The following ZNF653 variants were observed in gnomAD, a reference collection of about 807,000 sequenced individuals.
ZNF653 encodes 67 kDa zinc finger protein.
In ZNF653, 37 loss-of-function variants were observed where a neutral mutation model predicts 59.9. That is an observed-to-expected ratio of 0.62 (90% CI 0.48 to 0.81). The LOEUF (loss-of-function observed/expected upper bound fraction) is 0.81, where lower values mean the gene tolerates loss of function less well. Ranked by LOEUF, ZNF653 falls within the 40% of genes least tolerant of loss-of-function variation. ZNF653 has a pLI of 0.00. For synonymous variants in ZNF653, 435 were observed against 371.8 expected (o/e 1.17, Z -1.96); for missense variants, 808 against 881.1 (o/e 0.92, Z 1.05).
chr19:11,494,903 A>G (rs996415916), intron 3 of ZNF653, among the ~76,000 whole-genome samples: 2 of 152,164 alleles, frequency 1.3e-5, no homozygotes, highest in Non-Finnish European at 2.9e-5. Flanking sequence ...GGAGTGGCAC[A>G]CAGTGAGGGG....
At chr19:11,505,361 C>CG (rs1971703204) in intron 1 of ZNF653, 127 bp downstream of exon 1, 1 of 1,028,470 alleles carries the variant, frequency 9.7e-7, no homozygotes, top group Admixed American at 4.3e-5. Context: ...CCCAGGCCGC[C>CG]GGCCCGGCTC....
intron 3 of ZNF653, among the ~76,000 whole-genome samples, chr19:11,492,869 C>A (rs958678646): frequency 1.1e-4 from 16 of 152,082 alleles, no homozygotes. Flanking sequence ...CTTCTGCCTG[C>A]CAAGTAGCTG....
Position 11,498,330 on chromosome 19 carries a change from C to G in ZNF653, c.309G>C (p.Trp103Cys), listed in dbSNP as rs1227114776. The G allele has an allele frequency of 6.2e-7, 1 of 1,614,076 alleles. No individual in the cohort carries two copies. Among genetic ancestry groups the G allele is most frequent in the African/African-American group, 1.3e-5 (1 of 75,050 alleles). The change falls in exon 2 of 9, where the codon TGG becomes TGC. Residue 103 changes from tryptophan (W) to cysteine (C), a missense_variant. Transcript: ENST00000293771. ...GCTTTGGCTTTTTGGGGACCTGCTC[C>G]CAAGGCTTCCTGCAACAGAAAGAGG... is the stretch of plus-strand genomic sequence containing the variant. ...GQRSGRHGKP[W>C]EQVPKKPKRK...
intron 1 of ZNF653, chr19:11,505,266 G>C (rs1364526526): frequency 1.1e-5 from 5 of 474,744 alleles, no homozygotes; most frequent in African/African-American, 1.0e-4. Flanking sequence ...CGGGTCGAGG[G>C]GCTGGGTGCA....
chr19:11,487,375 G>A lies in ZNF653; in HGVS notation c.1088C>T (p.Ala363Val). 2 of 1,612,880 alleles carry A rather than the reference G, an allele frequency of 1.2e-6. No homozygotes were observed. Among genetic ancestry groups the A allele is most frequent in the Non-Finnish European group, 1.7e-6 (2 of 1,179,898 alleles). ...EVPCAMMEGV[A>V]AYTQTEPEGS... is the part of the protein sequence containing the mutation. ...CTCGGGCTCTGTCTGGGTGTAGGCT[G>A]CCACACCCTCCATCATGGCACAGGG... is the stretch of plus-strand genomic sequence containing the variant. Residue 363 changes from alanine (A) to valine (V), a missense_variant, in exon 4 of 9, where the codon GCA (alanine) becomes GTA (valine). Transcript: ENST00000293771. This position sits in a 1 kb window ranked among gnomAD's most constrained non-coding sequence, Gnocchi z 5.1.
In ZNF653 at chr19:11,486,887, G is replaced by T. The variant is rs1319370427; in HGVS notation, c.1344-7C>A. The stretch of plus-strand genomic sequence containing the variant: ...CCGCTTGCTCCGCCGCCTCCTGGAG[G>T]GGAAGGGGCCATGACATCGGGGCTC... On this transcript the variant is annotated splice_polypyrimidine_tract_variant and splice_region_variant and intron_variant, in intron 5 of 8. Coordinates refer to ENST00000293771, the MANE Select transcript of ZNF653 (RefSeq NM_138783.4). The T allele has an allele frequency of 6.2e-7, 1 of 1,611,066 alleles. No individual in the cohort carries two copies. Among genetic ancestry groups the T allele is most frequent in the Non-Finnish European group, 8.5e-7 (1 of 1,178,720 alleles).
chr19:11,487,233 G>A lies in ZNF653; in HGVS notation c.1171+59C>T, dbSNP rs1971477318. 9 of 1,598,220 alleles carry A rather than the reference G, an allele frequency of 5.6e-6. No individual in the cohort carries two copies. Among genetic ancestry groups the A allele is most frequent in the South Asian group, 2.2e-5 (2 of 88,984 alleles). The stretch of plus-strand genomic sequence containing the variant: ...GTGCCCACTTCGAGGGCCATTCCTC[G>A]CCCGGCCCCTCCCAGGCCCAACCAC... On this transcript the variant is annotated intron_variant, in intron 4 of 8. Transcript: ENST00000293771. The surrounding 1 kb of genome is among the most constrained non-coding windows in gnomAD (Gnocchi z 5.1).
At position 11,505,729 on chromosome 19, in the gene ZNF653, C is replaced by A. The variant is rs966103146; in HGVS notation, c.58G>T (p.Gly20Trp). 2.1e-6 allele frequency: 3 copies of A among 1,458,404 alleles called. No individual in the cohort carries two copies. The highest frequency in any genetic ancestry group is 2.7e-6 in the Non-Finnish European group (3 of 1,115,472). The allele number at this position is 1,458,404 out of a possible 1,614,324, so 90.3% of individuals were successfully genotyped here. A position where few individuals can be genotyped will look rare whatever the true frequency, so the allele number is the denominator to read the frequency against. Residue 20 changes from glycine (G) to tryptophan (W), a missense_variant, in exon 1 of 9, where the codon GGG becomes TGG. Gly to Trp is a radical substitution (Grantham distance 184). Coordinates refer to ENST00000293771, the MANE Select transcript of ZNF653 (RefSeq NM_138783.4). Reference protein sequence around the residue: ...AEAEAEAGAGGEAAAEEGAAG... With the variant: ...AEAEAEAGAGWEAAAEEGAAG... ...GCGCCCTCCTCGGCTGCTGCCTCCC[C>A]GCCCGCGCCCGCCTCAGCCTCCGCC... is the stretch of plus-strand genomic sequence containing the variant.
Position 11,483,850 on chromosome 19 carries a change from G to T in ZNF653, c.1680C>A (p.Ile560=). ...HTGETPLQCE[I]CGYQCRQRAS... is the part of the protein sequence containing the mutation. ...CGCGCTGCCGGCACTGGTAGCCACAGATCTCGCACCTGCCGGGAGCCCGTG... is the reference window on the plus strand; with the variant it reads ...CGCGCTGCCGGCACTGGTAGCCACATATCTCGCACCTGCCGGGAGCCCGTG... The change falls in exon 9 of 9, where the codon ATC becomes ATA. Residue 560 remains isoleucine, a synonymous_variant. Transcript: ENST00000293771. 1 of 1,557,292 alleles carries T rather than the reference G, an allele frequency of 6.4e-7. No individual in the cohort carries two copies.
chr19:11,505,359 G>C, intron 1 of ZNF653, 129 bp downstream of exon 1: 1 of 1,009,542 alleles, frequency 9.9e-7, no homozygotes, highest in Non-Finnish European at 1.3e-6. Context: ...GACCCAGGCC[G>C]CCGGCCCGGC....
chr19:11,488,619 A>T (rs1378866147), intron 3 of ZNF653, among the ~76,000 whole-genome samples: 5 of 147,322 alleles, frequency 3.4e-5, no homozygotes, highest in South Asian at 2.1e-4. Context: ...TTTTTTTGAG[A>T]TGGAGTCTCG....
intron 2 of ZNF653, among the ~76,000 whole-genome samples, chr19:11,497,088 C>A (rs974575539): frequency 6.6e-6 from 1 of 152,214 alleles, no homozygotes; most frequent in Admixed American, 6.5e-5. Flanking sequence ...ACTCAGGTCT[C>A]CCCCAAATGC....
In ZNF653 at chr19:11,495,019, G is replaced by A. The variant is rs1350713843; in HGVS notation, c.559+931C>T. 6.6e-6 allele frequency among the ~76,000 whole-genome samples: 1 copy of A among 152,166 alleles called. No individual in the cohort carries two copies. The highest frequency in any genetic ancestry group is 1.5e-5 in the Non-Finnish European group (1 of 68,024). The stretch of plus-strand genomic sequence containing the variant: ...GACACTTGGTGGGACGGTCGTTGGC[G>A]GGGGCGCCCACCCGGAACACCTCTC... On this transcript the variant is annotated intron_variant, in intron 3 of 8. Coordinates refer to ENST00000293771, the MANE Select transcript of ZNF653 (RefSeq NM_138783.4). This position sits in a 1 kb window ranked among gnomAD's most constrained non-coding sequence, Gnocchi z 4.9.
At position 11,484,048 on chromosome 19, in the gene ZNF653, G is replaced by A; in HGVS notation, c.1664C>T (p.Pro555Leu). ...GGGGCGGCCTGTCACTCACTGCAGG[G>A]GGGTCTCGCCGGTGTGGGTGCGCCG... is the stretch of plus-strand genomic sequence containing the variant. The part of the protein sequence containing the change: ...VHRRTHTGET[P>L]LQCEICGYQC... The change falls in exon 8 of 9, where the codon CCC (proline) becomes CTC (leucine). Residue 555 changes from proline (P) to leucine (L), a missense_variant. Pro to Leu is a moderately conservative substitution (Grantham distance 98, BLOSUM62 -3). Coordinates refer to ENST00000293771, the MANE Select transcript of ZNF653 (RefSeq NM_138783.4). 1 of 1,556,242 alleles carries A rather than the reference G, an allele frequency of 6.4e-7. No homozygotes were observed. Among genetic ancestry groups the A allele is most frequent in the Non-Finnish European group, 8.7e-7 (1 of 1,149,782 alleles).
At position 11,485,862 on chromosome 19, in the gene ZNF653, G is replaced by A. The variant is rs1313928527; in HGVS notation, c.1456-92C>T. On this transcript the variant is annotated intron_variant, in intron 6 of 8. Coordinates refer to ENST00000293771, the MANE Select transcript of ZNF653 (RefSeq NM_138783.4). The stretch of plus-strand genomic sequence containing the variant: ...GATGAGGGCAGCTGGAAGGCAGGCT[G>A]GGGCTGGCCTCCCCAGGAGGAGGGA... 3.1e-6 allele frequency: 3 copies of A among 980,708 alleles called. No homozygotes were observed. The East Asian group carries it at 7.2e-5, about 24-fold the overall frequency. 60.8% of individuals were successfully genotyped at this position (980,708 alleles called of 1,614,324 possible).
chr19:11,494,245 C>G (rs1004506076), intron 3 of ZNF653, among the ~76,000 whole-genome samples: 7 of 151,258 alleles, frequency 4.6e-5, no homozygotes, highest in African/African-American at 1.7e-4. Flanking sequence ...TTGCTTCAAC[C>G]TGGGAGGCAG....
chr19:11,493,006 CA>C (rs2144941864), intron 3 of ZNF653, among the ~76,000 whole-genome samples: 2 of 151,992 alleles, frequency 1.3e-5, no homozygotes, highest in East Asian at 3.9e-4. Context: ...CTTGGCCTCC[CA>C]AAGTGCTGGG....
chr19:11,488,188 C>T (rs1376019857), intron 3 of ZNF653, among the ~76,000 whole-genome samples: 2 of 151,086 alleles, frequency 1.3e-5, no homozygotes, highest in Non-Finnish European at 2.9e-5. Context: ...CTCACTCTGT[C>T]ACCCAGGCTG....
Position 11,505,686 on chromosome 19 carries a change from C to T in ZNF653, c.101G>A (p.Arg34Gln). The stretch of plus-strand genomic sequence containing the variant: ...CGACTCCGTGAGTCGCGGCCGGCCC[C>T]GCGCCTTTCGGCCCGCTGCGCCCTC... ...AEEGAAGRKA[R>Q]GRPRLTESDR... Residue 34 changes from arginine to glutamine, a missense_variant, in exon 1 of 9, where the codon CGG (arginine) becomes CAG (glutamine). Coordinates refer to ENST00000293771, the MANE Select transcript of ZNF653 (RefSeq NM_138783.4). 2 of 1,489,546 alleles carry T rather than the reference C, an allele frequency of 1.3e-6. No individual in the cohort carries two copies. The highest frequency in any genetic ancestry group is 1.8e-6 in the Non-Finnish European group (2 of 1,128,034). 92.3% of individuals were successfully genotyped at this position (1,489,546 alleles called of 1,614,324 possible). A position where few individuals can be genotyped will look rare whatever the true frequency, so the allele number is the denominator to read the frequency against.
Sources: allele counts gnomAD v4.1 joint callset (sites outside exome capture counted in the v4.1 genomes callset), GRCh38; gene constraint gnomAD v4.1.1; non-coding constraint Gnocchi (gnomAD v3.1); transcripts MANE v1.5; gene names NCBI Gene and HGNC (gene_info 2026-07-23, HGNC 2026-07-21).